PCMTD1: variants seen among roughly 807,000 people sequenced by gnomAD.
The protein encoded by PCMTD1 is protein-L-isoaspartate (D-aspartate) O-methyltransferase domain containing 1, also known as protein-L-isoaspartate O-methyltransferase domain-containing protein 1.
PCMTD1 carries 12 observed loss-of-function variants against 37.6 expected under a neutral mutation model. That is an observed-to-expected ratio of 0.32 (90% CI 0.20 to 0.52). The LOEUF is 0.52. Among genes scored for constraint, PCMTD1 ranks in the 20% least tolerant of loss-of-function variants. The probability of loss-of-function intolerance (pLI) is 0.97; values close to 1 mark genes in which losing one functional copy is unlikely to be tolerated. For synonymous variants in PCMTD1, 117 were observed against 135.8 expected, an observed-to-expected ratio of 0.86 and a Z score of 0.96; for missense variants, 235 against 421.3, an observed-to-expected ratio of 0.56 and a Z score of 3.87.
chr8:51,863,772 A>C (rs2038509522), intron 1 of PCMTD1, among the ~76,000 whole-genome samples: 1 of 152,080 alleles, frequency 6.6e-6, no homozygotes, highest in South Asian at 2.1e-4. Context: ...AAATACAAAA[A>C]AAAATTTAGC....
chr8:51,851,785 A>G (rs1006565327), intron 2 of PCMTD1, among the ~76,000 whole-genome samples: 1 of 151,692 alleles, frequency 6.6e-6, no homozygotes, highest in Non-Finnish European at 1.5e-5. Flanking sequence ...CCTCCCAAGT[A>G]GCTTACAGGC....
intron 3 of PCMTD1, among the ~76,000 whole-genome samples, chr8:51,838,972 T>C (rs956313775): frequency 2.0e-5 from 3 of 152,160 alleles, no homozygotes; most frequent in Admixed American, 6.5e-5. Context: ...TTAATATGTG[T>C]TTATAATTAC....
intron 1 of PCMTD1, among the ~76,000 whole-genome samples, chr8:51,864,469 G>A (rs1186574829): frequency 6.6e-6 from 1 of 152,102 alleles, no homozygotes; most frequent in Non-Finnish European, 1.5e-5. Flanking sequence ...TTATATGTTT[G>A]TCTACAAAAT....
At chr8:51,862,963 A>G (rs529817815) in intron 1 of PCMTD1, among the ~76,000 whole-genome samples, 6 of 152,124 alleles carry the variant, frequency 3.9e-5, no homozygotes, top group Admixed American at 3.9e-4. Flanking sequence ...CCAATTCACT[A>G]TTCCTTCAAC....
At chr8:51,893,043 C>T (rs2038957511) in intron 1 of PCMTD1, among the ~76,000 whole-genome samples, 1 of 152,058 alleles carries the variant, frequency 6.6e-6, no homozygotes, top group Non-Finnish European at 1.5e-5. Context: ...TTTGTATCTT[C>T]AAAGAAGTAT....
chr8:51,827,053 C>A (rs2037931342), intron 5 of PCMTD1: 1 of 975,248 alleles, frequency 1.0e-6, no homozygotes, highest in South Asian at 4.7e-5. Context: ...TAATTTCCTG[C>A]AATTAAGGAA....
chr8:51,858,244 C>T (rs753975237), intron 2 of PCMTD1, among the ~76,000 whole-genome samples: 2 of 152,104 alleles, frequency 1.3e-5, no homozygotes, highest in African/African-American at 4.8e-5. Flanking sequence ...ACAGATACCC[C>T]GCTCTCCCTG....
chr8:51,898,730 G>T (rs1211327694), intron 1 of PCMTD1, among the ~76,000 whole-genome samples, 200 bp downstream of exon 1: 1 of 112,042 alleles, frequency 8.9e-6, no homozygotes, highest in African/African-American at 3.3e-5. Flanking sequence ...CCCCCGGCCC[G>T]TCCTTCCCCC....
intron 2 of PCMTD1, among the ~76,000 whole-genome samples, chr8:51,854,706 G>A (rs111561206): frequency 0.011 from 1,644 of 151,998 alleles, 19 homozygotes; most frequent in Admixed American, 0.019. Flanking sequence ...GTGAAACCCC[G>A]TCTCTACTAA....
At chr8:51,891,800 G>A (rs1307593630) in intron 1 of PCMTD1, among the ~76,000 whole-genome samples, 2 of 151,506 alleles carry the variant, frequency 1.3e-5, no homozygotes, top group South Asian at 2.1e-4. Flanking sequence ...ACAATTAACA[G>A]TGTGTATTTA....
chr8:51,894,256 C>T lies in PCMTD1; in HGVS notation c.-96+4674G>A, dbSNP rs139605038. 2.4e-3 allele frequency among the ~76,000 whole-genome samples: 358 copies of T among 152,284 alleles called. 1 individual carries two copies. Among genetic ancestry groups the T allele is most frequent in the African/African-American group, 7.9e-3 (327 of 41,554 alleles). On this transcript the variant is annotated intron_variant, in intron 1 of 5. Transcript: ENST00000522514. ...ACTGAAGTTTACATTCTTTTTGGAACAGCTGCTGGGACAGAAAGAATGTAA... is the reference window on the plus strand; with the variant it reads ...ACTGAAGTTTACATTCTTTTTGGAATAGCTGCTGGGACAGAAAGAATGTAA...
chr8:51,830,450 T>A (rs1282240788), intron 5 of PCMTD1, among the ~76,000 whole-genome samples: 2 of 152,168 alleles, frequency 1.3e-5, no homozygotes, highest in East Asian at 3.8e-4. Flanking sequence ...CAACAGTAAA[T>A]AATGCCAGCA....
chr8:51,819,907 A>AG lies in PCMTD1; in HGVS notation c.*443dup. ...TGATTGCAACAAAAGTAAGGTAAAT[A>AG]GTCTACAAAGCATTTGACTTCCTTA... On this transcript the variant is annotated 3_prime_UTR_variant, in exon 6 of 6. Transcript: ENST00000522514. 6.5e-6 allele frequency: 1 copy of AG among 153,196 alleles called. No individual in the cohort carries two copies. Among genetic ancestry groups the AG allele is most frequent in the Non-Finnish European group, 1.5e-5 (1 of 68,480 alleles). The allele number at this position is 153,196 out of a possible 1,614,324, so 9.5% of individuals were successfully genotyped here.
At chr8:51,862,252 C>T (rs7827298) in intron 1 of PCMTD1, among the ~76,000 whole-genome samples, 77,143 of 151,932 alleles carry the variant, frequency 0.51, 23,678 homozygotes, top group Non-Finnish European at 0.68. Context: ...TTTATTAATG[C>T]GCTTGTGTGC....
chr8:51,843,151 T>C (rs923967619), intron 3 of PCMTD1, among the ~76,000 whole-genome samples: 8 of 130,816 alleles, frequency 6.1e-5, no homozygotes, highest in South Asian at 5.5e-4. Flanking sequence ...TAATTTGTCA[T>C]TGAAACCAAA....
At chr8:51,893,681 G>A (rs921402999) in intron 1 of PCMTD1, among the ~76,000 whole-genome samples, 1 of 152,070 alleles carries the variant, frequency 6.6e-6, no homozygotes, top group Admixed American at 6.6e-5. Flanking sequence ...CACATGGAAA[G>A]ACAAAACTGA....
rs187625701 is a variant in PCMTD1 at position 51,830,077 on chromosome 8, T to G, written c.706+1367A>C. Among the ~76,000 whole-genome samples, 44 of 152,280 alleles carry G rather than the reference T, an allele frequency of 2.9e-4. 1 individual carries two copies. The highest frequency in any genetic ancestry group is 3.4e-3 in the Middle Eastern group (1 of 294). ...GTTCATCACTCCCTCCTTGAAACTT[T>G]TCTTTCTTGGTTTTCAACACCCTGG... On this transcript the variant is annotated intron_variant, in intron 5 of 5. Transcript: ENST00000522514.
rs1220845505 is a variant in PCMTD1, at chr8:51,898,977, G to C, written c.-143C>G. On this transcript the variant is annotated 5_prime_UTR_variant, in exon 1 of 6. Coordinates refer to ENST00000522514, the MANE Select transcript of PCMTD1 (RefSeq NM_052937.4). ...CAGGCCAGGCGCTAGGACTCGGCGG[G>C]GTCCGCAGCAGCCAGACGCCGCTAC... 1.1e-5 allele frequency: 17 copies of C among 1,495,462 alleles called. No homozygotes were observed. Among genetic ancestry groups the C allele is most frequent in the Admixed American group, 4.3e-5 (2 of 46,498 alleles). The allele number at this position is 1,495,462 out of a possible 1,614,324, so 92.6% of individuals were successfully genotyped here.
chr8:51,870,040 G>A (rs2129289358), intron 1 of PCMTD1, among the ~76,000 whole-genome samples: 1 of 152,294 alleles, frequency 6.6e-6, no homozygotes, highest in African/African-American at 2.4e-5. Flanking sequence ...GATGCCTTCT[G>A]GAGGATTAAG....
Sources: gnomAD v4.1 joint callset for allele counts (sites outside exome capture counted in the v4.1 genomes callset) on GRCh38, gnomAD v4.1.1 for gene constraint, MANE v1.5 for transcripts, NCBI Gene and HGNC (gene_info 2026-07-23, HGNC 2026-07-21) for gene names.